DDX50: variants seen among roughly 807,000 people sequenced by gnomAD.
DDX50 encodes the protein ATP-dependent RNA helicase DDX50.
In DDX50, 56 loss-of-function variants were observed where a neutral mutation model predicts 94.8. That is an observed-to-expected ratio of 0.59 (90% CI 0.48 to 0.74). The LOEUF (loss-of-function observed/expected upper bound fraction) is 0.74, where lower values mean the gene tolerates loss of function less well. Ranked by LOEUF, DDX50 falls within the 30% of genes least tolerant of loss-of-function variation. The pLI is 0.00. For missense variants in DDX50, 713 were observed against 881.2 expected (o/e 0.81, Z 2.42); for synonymous variants, 264 against 295.4 (o/e 0.89, Z 1.09).
At chr10:68,902,647 A>C (rs773599666) in intron 1 of DDX50, among the ~76,000 whole-genome samples, 6 of 151,518 alleles carry the variant, frequency 4.0e-5, no homozygotes, top group Non-Finnish European at 8.9e-5. Context: ...CACTCCCGGC[A>C]ACTACCATTC....
intron 12 of DDX50, among the ~76,000 whole-genome samples, chr10:68,940,314 G>A (rs893811709): frequency 1.3e-5 from 2 of 151,584 alleles, no homozygotes; most frequent in Admixed American, 6.6e-5. Context: ...AGAAGGTTGA[G>A]GGTGCAGTGA....
At chr10:68,915,257 CA>C (rs1321415920) in intron 7 of DDX50, among the ~76,000 whole-genome samples, 1 of 148,178 alleles carries the variant, frequency 6.7e-6, no homozygotes, top group Non-Finnish European at 1.5e-5. Flanking sequence ...ACTAAAAATA[CA>C]AAAAATTAGC....
chr10:68,908,636 CCT>C (rs1491340379), intron 2 of DDX50, among the ~76,000 whole-genome samples: 12 of 126,624 alleles, frequency 9.5e-5, no homozygotes, highest in African/African-American at 3.4e-4. Context: ...TTTAAAATTT[CCT>C]TTTTTTTTTT....
intron 8 of DDX50, among the ~76,000 whole-genome samples, chr10:68,924,675 AAAG>A (rs1267903119): frequency 6.6e-6 from 1 of 152,178 alleles, no homozygotes; most frequent in Non-Finnish European, 1.5e-5. Flanking sequence ...GTTAAAAAAA[AAAG>A]GTCTACTTTC....
At chr10:68,916,498 A>G (rs1190954650) in intron 7 of DDX50, among the ~76,000 whole-genome samples, 1 of 152,218 alleles carries the variant, frequency 6.6e-6, no homozygotes, top group South Asian at 2.1e-4. Context: ...TAAATTGAAT[A>G]GAAAGATTGA....
intron 8 of DDX50, among the ~76,000 whole-genome samples, chr10:68,929,257 C>T (rs1439311440): frequency 1.3e-5 from 1 of 77,838 alleles, no homozygotes; most frequent in African/African-American, 4.9e-5. Flanking sequence ...TGGTCCCTTC[C>T]TTCCTTCCTT....
At chr10:68,929,778 G>A (rs1030015972) in intron 8 of DDX50, among the ~76,000 whole-genome samples, 6 of 146,290 alleles carry the variant, frequency 4.1e-5, no homozygotes, top group Non-Finnish European at 7.5e-5. Flanking sequence ...CCAGACTGGA[G>A]TGCAGTGGTG....
At position 68,946,489 on chromosome 10, in the gene DDX50, CCGGTCAGGT is replaced by C. The variant is rs770235086; in HGVS notation, c.2074_2082del (p.Arg692_Gly694del). 1.6e-5 allele frequency: 26 copies of C among 1,613,980 alleles called. No individual in the cohort carries two copies. Among genetic ancestry groups the C allele is most frequent in the Non-Finnish European group, 2.2e-5 (26 of 1,179,998 alleles). On this transcript the variant is annotated inframe_deletion, in exon 15 of 15. Transcript: ENST00000373585. ...CAAGTGGTCGATCAGGCCGGTCAGGCCGGTCAGGTGGTCGATCTGGCGGCCGGTCAGGTA... is the reference window on the plus strand; with the variant it reads ...CAAGTGGTCGATCAGGCCGGTCAGGCGGTCGATCTGGCGGCCGGTCAGGTA...
chr10:68,933,673 C>T (rs1417366860), intron 8 of DDX50, among the ~76,000 whole-genome samples: 1 of 151,906 alleles, frequency 6.6e-6, no homozygotes, highest in Non-Finnish European at 1.5e-5. Context: ...GTGGCTCACG[C>T]CTGTAATCCC....
Position 68,937,068 on chromosome 10 carries a change from A to C in DDX50, c.1728A>C (p.Glu576Asp). The change falls in exon 12 of 15, where the codon GAA becomes GAC. Residue 576 changes from glutamate to aspartate, a missense_variant. Physicochemically the swap from Glu to Asp is conservative, Grantham distance 45. Around this residue, in one of 2 missense-constraint regions of DDX50, gnomAD observed 428 missense variants for 602.3 expected, o/e 0.71. Coordinates refer to ENST00000373585, the MANE Select transcript of DDX50 (RefSeq NM_024045.2). ...LAHISGASSF[E>D]PRSLITSDKG... ...ACATTTCTGGTGCATCAAGCTTTGA[A>C]CCACGATCTTTGATCACCTCTGATA... The C allele has an allele frequency of 1.9e-6, 3 of 1,613,166 alleles. No individual in the cohort carries two copies. Among genetic ancestry groups the C allele is most frequent in the Non-Finnish European group, 2.5e-6 (3 of 1,179,684 alleles).
intron 8 of DDX50, among the ~76,000 whole-genome samples, chr10:68,929,294 T>TTCCTTCCTCCCTTC (rs372281464): frequency 9.1e-6 from 1 of 109,324 alleles, no homozygotes; most frequent in Non-Finnish European, 2.0e-5. Flanking sequence ...CCTTCCTTCC[T>TTCCTTCCTCCCTTC]CTCTCTCTCT....
intron 5 of DDX50, 55 bp downstream of exon 5, chr10:68,913,334 A>G (rs1484218333): frequency 6.2e-7 from 1 of 1,600,714 alleles, no homozygotes; most frequent in East Asian, 2.2e-5. Context: ...TCATATTTAA[A>G]TAAATAATGT....
Position 68,934,713 on chromosome 10 carries a change from ATATTAT to A in DDX50, c.1402-80_1402-75del. 1 of 1,370,206 alleles carries A rather than the reference ATATTAT, an allele frequency of 7.3e-7. No individual in the cohort carries two copies. The highest frequency in any genetic ancestry group is 9.8e-7 in the Non-Finnish European group (1 of 1,017,736). 84.9% of individuals were successfully genotyped at this position (1,370,206 alleles called of 1,614,324 possible). A position where few individuals can be genotyped will look rare whatever the true frequency, so the allele number is the denominator to read the frequency against. On this transcript the variant is annotated intron_variant, in intron 9 of 14. Transcript: ENST00000373585. The surrounding 1 kb of genome is among the most constrained non-coding windows in gnomAD (Gnocchi z 4.0). Reference sequence around the variant, plus strand: ...AAAGGGCAACAGGATTGAAATAAATATATTATTATTAACATTATTATTTGGATTCCG... The same window carrying A: ...AAAGGGCAACAGGATTGAAATAAATATATTAACATTATTATTTGGATTCCG...
At chr10:68,926,288 T>C (rs575785680) in intron 8 of DDX50, among the ~76,000 whole-genome samples, 1 of 150,842 alleles carries the variant, frequency 6.6e-6, no homozygotes, top group South Asian at 2.1e-4. Context: ...TTTTCGTTGC[T>C]TTAAAATATT....
rs1472349386 is a variant in DDX50 at position 68,943,276 on chromosome 10, C to A, written c.1935+19C>A. The A allele has an allele frequency of 6.3e-7, 1 of 1,590,130 alleles. No homozygotes were observed. The highest frequency in any genetic ancestry group is 1.8e-5 in the Admixed American group (1 of 57,132). Reference sequence around the variant, plus strand: ...GTTACAGGTATTTTTAAAATTTTATCTTTTAAATGGTTGAGTACATTCTCT... The same window carrying A: ...GTTACAGGTATTTTTAAAATTTTATATTTTAAATGGTTGAGTACATTCTCT... On this transcript the variant is annotated intron_variant, in intron 14 of 14. Transcript: ENST00000373585.
intron 1 of DDX50, among the ~76,000 whole-genome samples, chr10:68,903,310 T>G (rs924121387): frequency 5.9e-5 from 9 of 151,934 alleles, no homozygotes; most frequent in Middle Eastern, 3.2e-3. Context: ...GGCAGGCAGA[T>G]CACCTGAGGT....
In DDX50 at chr10:68,913,522, G is replaced by A. The variant is rs1336780216; in HGVS notation, c.889G>A (p.Asp297Asn). ...GCTTGATGAAGTGGATCAGATGTTA[G>A]ATTTAGGTTTCGCTGAACAAGTTGA... ...VVLDEVDQMLDLGFAEQVEDI... is the reference protein window; with the variant it reads ...VVLDEVDQMLNLGFAEQVEDI... The change falls in exon 6 of 15, where the codon GAT becomes AAT. Residue 297 changes from aspartate to asparagine, a missense_variant. Coordinates refer to ENST00000373585, the MANE Select transcript of DDX50 (RefSeq NM_024045.2). 2 of 1,613,810 alleles carry A rather than the reference G, an allele frequency of 1.2e-6. No homozygotes were observed. Among genetic ancestry groups the A allele is most frequent in the African/African-American group, 2.7e-5 (2 of 74,910 alleles).
At chr10:68,940,394 AG>A (rs1564618305) in intron 12 of DDX50, among the ~76,000 whole-genome samples, 1 of 148,722 alleles carries the variant, frequency 6.7e-6, no homozygotes, top group Non-Finnish European at 1.5e-5. Flanking sequence ...AAAAAAAAAA[AG>A]GTTAAAGAAA....
In DDX50 at chr10:68,911,093, T is replaced by A. The variant is rs752970133; in HGVS notation, c.486T>A (p.Pro162=). ...LKGRGVTYLF[P]IQVKTFGPVY... is the part of the protein sequence containing the mutation. ...GTCGAGGGGTAACATATCTCTTTCCTATTCAAGTTAAGACCTTTGGTCCTG... is the reference window on the plus strand; with the variant it reads ...GTCGAGGGGTAACATATCTCTTTCCAATTCAAGTTAAGACCTTTGGTCCTG... The change falls in exon 4 of 15, where the codon CCT becomes CCA. Residue 162 remains proline, a synonymous_variant. Coordinates refer to ENST00000373585, the MANE Select transcript of DDX50 (RefSeq NM_024045.2). The A allele has an allele frequency of 2.6e-6, 4 of 1,564,386 alleles. No homozygotes were observed. The highest frequency in any genetic ancestry group is 3.5e-6 in the Non-Finnish European group (4 of 1,158,830).
Sources: gnomAD v4.1 joint callset for allele counts (sites outside exome capture counted in the v4.1 genomes callset) on GRCh38, gnomAD v4.1.1 for gene constraint, gnomAD v4.1.1 regional missense constraint, Gnocchi (gnomAD v3.1) non-coding constraint, MANE v1.5 for transcripts, NCBI Gene and HGNC (gene_info 2026-07-23, HGNC 2026-07-21) for gene names.